Variants in FRMPD4 observed in about 807,000 individuals in gnomAD.
FRMPD4 encodes FERM and PDZ domain-containing protein 4.
FRMPD4 carries 22 observed loss-of-function variants against 94.1 expected under a neutral mutation model. The observed-to-expected ratio is 0.23, with a 90% CI of 0.17 to 0.33. The LOEUF (loss-of-function observed/expected upper bound fraction) is 0.33. Ranked by LOEUF, FRMPD4 falls within the 10% of genes least tolerant of loss-of-function variation. The pLI, the probability that FRMPD4 is intolerant of heterozygous loss-of-function variation, is 1.00. For missense variants in FRMPD4, 1,111 were observed against 1,339.9 expected, an observed-to-expected ratio of 0.83 and a Z score of 2.67; for synonymous variants, 631 against 548.6, an observed-to-expected ratio of 1.15 and a Z score of -2.10.
chrX:12,072,595 A>G (rs944947501), intron 3 of FRMPD4, among the ~76,000 whole-genome samples: 124 of 111,960 alleles, frequency 1.1e-3, no homozygotes, highest in Admixed American at 3.8e-4. Context: ...AGTATTACAT[A>G]ATTCAAAGGG....
intron 1 of FRMPD4, among the ~76,000 whole-genome samples, chrX:12,440,803 G>C (rs1373931346): frequency 1.8e-5 from 2 of 111,199 alleles, no homozygotes; most frequent in African/African-American, 6.6e-5. Context: ...CTTACTTATA[G>C]AGTACCATGT....
At chrX:11,899,099 C>T (rs943313844) in intron 3 of FRMPD4, among the ~76,000 whole-genome samples, 4 of 112,086 alleles carry the variant, frequency 3.6e-5, no homozygotes, top group African/African-American at 1.3e-4. Context: ...TACAGAAAGT[C>T]TGAACTATAA....
chrX:11,869,452 C>T (rs991248376), intron 2 of FRMPD4, among the ~76,000 whole-genome samples: 1 of 111,441 alleles, frequency 9.0e-6, no homozygotes. Context: ...GAGTAAATTT[C>T]AAATGTCTCA....
At chrX:12,425,341 G>A (rs1158072977) in intron 1 of FRMPD4, among the ~76,000 whole-genome samples, 4 of 111,967 alleles carry the variant, frequency 3.6e-5, no homozygotes, top group African/African-American at 1.3e-4. Context: ...TCTCTTCATT[G>A]TCAGTGGAAA....
intron 1 of FRMPD4, among the ~76,000 whole-genome samples, chrX:12,288,259 G>GA (rs1258134513): frequency 9.0e-6 from 1 of 111,512 alleles, no homozygotes; most frequent in East Asian, 2.8e-4. Context: ...AGTTAACACA[G>GA]AAAAAAGGGA....
intron 3 of FRMPD4, among the ~76,000 whole-genome samples, chrX:12,114,897 G>A (rs1249053265): frequency 2.7e-5 from 3 of 112,450 alleles, no homozygotes. Flanking sequence ...GATCTACAGT[G>A]TAGAATATTG....
At chrX:12,068,218 G>A (rs776699908) in intron 3 of FRMPD4, among the ~76,000 whole-genome samples, 1 of 111,961 alleles carries the variant, frequency 8.9e-6, no homozygotes, top group East Asian at 2.8e-4. Flanking sequence ...GACTCTAGAC[G>A]AAACACAGTG....
chrX:11,917,271 A>T (rs749605611), intron 3 of FRMPD4, among the ~76,000 whole-genome samples: 1 of 112,374 alleles, frequency 8.9e-6, no homozygotes, highest in African/African-American at 3.2e-5. Context: ...GAAAAAATGG[A>T]GTACTTATAC....
chrX:12,393,566 A>C (rs2056505029), intron 1 of FRMPD4, among the ~76,000 whole-genome samples: 1 of 112,033 alleles, frequency 8.9e-6, no homozygotes, highest in Non-Finnish European at 1.9e-5. Flanking sequence ...GTCCTTTCTA[A>C]ATGGGTTATT....
At chrX:12,677,156 G>A (rs958563810) in intron 5 of FRMPD4, among the ~76,000 whole-genome samples, 4 of 110,661 alleles carry the variant, frequency 3.6e-5, no homozygotes, top group Admixed American at 9.7e-5. Context: ...TCCCTGGCCT[G>A]TACCTACTAG....
chrX:12,479,379 T>TAC (rs2057644963), intron 1 of FRMPD4, among the ~76,000 whole-genome samples: 2 of 103,397 alleles, frequency 1.9e-5, no homozygotes, highest in African/African-American at 3.6e-5. Context: ...TATACATATA[T>TAC]ACACATATAT....
intron 3 of FRMPD4, among the ~76,000 whole-genome samples, chrX:12,049,726 C>A: frequency 9.0e-6 from 1 of 111,724 alleles, no homozygotes; most frequent in Non-Finnish European, 1.9e-5. Context: ...GCATTGTTAT[C>A]ATAGAAGATG....
chrX:12,171,996 T>C (rs1467678645), intron 1 of FRMPD4, among the ~76,000 whole-genome samples: 2 of 111,300 alleles, frequency 1.8e-5, no homozygotes, highest in Admixed American at 1.9e-4. Flanking sequence ...ACACTGGTTA[T>C]GCCCTTTAGT....
intron 3 of FRMPD4, among the ~76,000 whole-genome samples, chrX:11,933,960 T>C (rs140255602): frequency 0.021 from 2,397 of 112,181 alleles, 59 homozygotes; most frequent in African/African-American, 0.074. Context: ...AGAATTTTTA[T>C]TTCAGTTAAA....
chrX:12,632,579 G>A (rs143974341), intron 4 of FRMPD4, among the ~76,000 whole-genome samples: 176 of 112,121 alleles, frequency 1.6e-3, no homozygotes, highest in African/African-American at 5.3e-3. Context: ...GTTCCCCAAT[G>A]GTGGGAATGT....
In FRMPD4 at chrX:12,690,224, C is replaced by T; in HGVS notation, c.711C>T (p.Leu237=). ...TCATCTTAACCCTTCAAGAGAAGCT[C>T]TCCATCAAAGGCATTGAACACTTCT... ...KDVILTLQEK[L]SIKGIEHFSL... is the part of the protein sequence containing the mutation. The change falls in exon 8 of 17, where the codon CTC becomes CTT. Residue 237 remains leucine, a synonymous_variant. Coordinates refer to ENST00000675598, the MANE Select transcript of FRMPD4 (RefSeq NM_001368397.1). 8.3e-7 allele frequency: 1 copy of T among 1,201,430 alleles called. No homozygotes were observed.
At chrX:12,498,275 TG>T (rs1427139010) in intron 1 of FRMPD4, among the ~76,000 whole-genome samples, 1 of 111,744 alleles carries the variant, frequency 8.9e-6, no homozygotes, top group Non-Finnish European at 1.9e-5. Context: ...GAGGAAGTCT[TG>T]GGCATACATG....
intron 2 of FRMPD4, among the ~76,000 whole-genome samples, chrX:12,517,922 A>G (rs1012334075): frequency 8.9e-6 from 1 of 112,209 alleles, no homozygotes; most frequent in Non-Finnish European, 1.9e-5. Context: ...AAATTCCTAC[A>G]GGTAGGCCCC....
At chrX:12,245,655 T>C (rs1029049383) in intron 1 of FRMPD4, among the ~76,000 whole-genome samples, 20 of 110,113 alleles carry the variant, frequency 1.8e-4, no homozygotes, top group African/African-American at 6.6e-4. Flanking sequence ...CATCAAGAGA[T>C]GGTTAGGCTA....
Sources: allele counts gnomAD v4.1 joint callset (sites outside exome capture counted in the v4.1 genomes callset), GRCh38; gene constraint gnomAD v4.1.1; transcripts MANE v1.5; gene names NCBI Gene and HGNC (gene_info 2026-07-23, HGNC 2026-07-21).